DNAH7: variants seen among roughly 807,000 people sequenced by gnomAD.
The protein encoded by DNAH7 is axonemal beta dynein heavy chain 7.
Under a neutral mutation model 444.6 loss-of-function variants are expected in DNAH7, and 397 were observed. The ratio of observed to expected loss-of-function variants is 0.89; its 90% CI spans 0.82 to 0.97. The LOEUF (loss-of-function observed/expected upper bound fraction) is 0.97, where lower values mean the gene tolerates loss of function less well. Among genes scored for constraint, DNAH7 ranks in the 50% least tolerant of loss-of-function variants. The pLI, the probability that DNAH7 is intolerant of heterozygous loss-of-function variation, is 0.00. For missense variants in DNAH7, 4,902 were observed against 4,800.8 expected (o/e 1.02, Z -0.62); for synonymous variants, 1,636 against 1,624.4 (o/e 1.01, Z -0.17).
chr2:195,794,243 A>C, intron 57 of DNAH7, 95 bp downstream of exon 57: 4 of 1,188,306 alleles, frequency 3.4e-6, no homozygotes, highest in Non-Finnish European at 3.7e-6. Context: ...GGCCTATTTA[A>C]TTTTTAGTTT....
chr2:196,011,603 C>G (rs1057205593), intron 10 of DNAH7, among the ~76,000 whole-genome samples: 1 of 152,090 alleles, frequency 6.6e-6, no homozygotes, highest in Middle Eastern at 3.2e-3. Context: ...CATAATTAAT[C>G]ATTTGCTAAT....
At chr2:195,772,738 T>G (rs1694898456) in intron 60 of DNAH7, among the ~76,000 whole-genome samples, 1 of 152,034 alleles carries the variant, frequency 6.6e-6, no homozygotes, top group Admixed American at 6.6e-5. Flanking sequence ...ACTTTTTTAT[T>G]GTTTTTTAAT....
rs769275394 is a variant in DNAH7, at chr2:195,845,139, CAA to C, written c.8806_8807del (p.Leu2936ValfsTer11). 2 of 1,612,118 alleles carry C rather than the reference CAA, an allele frequency of 1.2e-6. No homozygotes were observed. The highest frequency in any genetic ancestry group is 3.3e-5 in the Admixed American group (2 of 59,714). Reference sequence around the variant, plus strand: ...AGCAGGGGATATCTCTTCCTTTGCACAAAGTTGTCCACTCTTTAGTTTGATTC... The same window carrying C: ...AGCAGGGGATATCTCTTCCTTTGCACAGTTGTCCACTCTTTAGTTTGATTC... ...RQNQTKEWTT[L>X]CKGRDIPCSD... is the part of the protein sequence containing the mutation. On this transcript the variant is annotated frameshift_variant, in exon 47 of 65. Transcript: ENST00000312428. LOFTEE classifies it high-confidence loss of function.
At chr2:195,776,083 T>C (rs1695044678) in intron 59 of DNAH7, 100 bp from the exon 60 acceptor site, 3 of 1,399,162 alleles carry the variant, frequency 2.1e-6, no homozygotes, top group African/African-American at 1.4e-5. Context: ...AGTTATTGAC[T>C]GGATAGGCCT....
chr2:196,026,282 G>A (rs1695682259), intron 7 of DNAH7, among the ~76,000 whole-genome samples: 1 of 152,110 alleles, frequency 6.6e-6, no homozygotes, highest in South Asian at 2.1e-4. Context: ...TTGGTCTACT[G>A]CAACAATTTT....
intron 5 of DNAH7, among the ~76,000 whole-genome samples, chr2:196,032,204 A>G (rs1167406336): frequency 6.6e-6 from 1 of 152,184 alleles, no homozygotes; most frequent in Non-Finnish European, 1.5e-5. Flanking sequence ...AGACTTACTC[A>G]TTACCATGAG....
At position 195,906,798 on chromosome 2, in the gene DNAH7, C is replaced by T. The variant is rs1687053000; in HGVS notation, c.4208-12G>A. On this transcript the variant is annotated splice_polypyrimidine_tract_variant and intron_variant, in intron 26 of 64. Transcript: ENST00000312428. ...ACCTGCATTAATACCTGTAGGTAAT[C>T]AGGAATGAAATGACTTAGTAATACC... 1 of 1,612,740 alleles carries T rather than the reference C, an allele frequency of 6.2e-7. No individual in the cohort carries two copies. The highest frequency in any genetic ancestry group is 8.5e-7 in the Non-Finnish European group (1 of 1,179,282).
chr2:195,903,034 G>C (rs374944160), intron 27 of DNAH7: 131 of 152,258 alleles, frequency 8.6e-4, no homozygotes, highest in African/African-American at 3.1e-3. Flanking sequence ...AGAGGGTACA[G>C]AGCCAGGTAA....
In DNAH7 at chr2:195,973,481, G is replaced by C. The variant is rs191586221; in HGVS notation, c.1834-1015C>G. Reference sequence around the variant, plus strand: ...TGTTTGTTGTTTTGTTTTTGTTTTTGTTTTTTTTGAGATGGAGTCTCACTC... The same window carrying C: ...TGTTTGTTGTTTTGTTTTTGTTTTTCTTTTTTTTGAGATGGAGTCTCACTC... On this transcript the variant is annotated intron_variant, in intron 15 of 64. Transcript: ENST00000312428. Among the ~76,000 whole-genome samples, 1,174 of 151,200 alleles carry C rather than the reference G, an allele frequency of 7.8e-3. 8 individuals carry two copies. The highest frequency in any genetic ancestry group is 0.013 in the Non-Finnish European group (853 of 67,766).
At chr2:195,836,448 G>C (rs2124969287) in intron 47 of DNAH7, among the ~76,000 whole-genome samples, 1 of 151,732 alleles carries the variant, frequency 6.6e-6, no homozygotes, top group East Asian at 1.9e-4. Context: ...AGTGAGCTGG[G>C]ATTGTGTCAC....
Position 195,852,741 on chromosome 2 carries a change from G to A in DNAH7, c.8781+602C>T, listed in dbSNP as rs552903529. Among the ~76,000 whole-genome samples the A allele has an allele frequency of 3.9e-5, 6 of 152,260 alleles. No homozygotes were observed. The East Asian group carries it at 1.2e-3, about 29-fold the overall frequency. ...ATCAGTCAGAGAGGTGGGAGGCAAG[G>A]CAGGGAACGTGGGGTTTGTTTTCTA... On this transcript the variant is annotated intron_variant, in intron 46 of 64. Transcript: ENST00000312428.
At chr2:195,982,059 T>C (rs566318075) in intron 15 of DNAH7, among the ~76,000 whole-genome samples, 1 of 152,302 alleles carries the variant, frequency 6.6e-6, no homozygotes, top group Non-Finnish European at 1.5e-5. Flanking sequence ...ATTTGCAAAC[T>C]ACCCATCTGA....
At chr2:195,927,184 G>A (rs1272725084) in intron 21 of DNAH7, among the ~76,000 whole-genome samples, 2 of 152,108 alleles carry the variant, frequency 1.3e-5, no homozygotes, top group African/African-American at 4.8e-5. Context: ...ACCTACGTTC[G>A]GTGGACTGAT....
chr2:195,848,231 G>T (rs934183181), intron 46 of DNAH7, among the ~76,000 whole-genome samples: 1 of 152,206 alleles, frequency 6.6e-6, no homozygotes, highest in African/African-American at 2.4e-5. Flanking sequence ...GGGCATCACA[G>T]TTTTGGGGGA....
At chr2:195,743,396 C>A (rs1693170401) in intron 63 of DNAH7, among the ~76,000 whole-genome samples, 1 of 152,138 alleles carries the variant, frequency 6.6e-6, no homozygotes, top group East Asian at 1.9e-4. Context: ...CTCTAGAGAA[C>A]CCTAATACAG....
chr2:195,931,011 A>G (rs1688655170), intron 21 of DNAH7, among the ~76,000 whole-genome samples: 1 of 152,054 alleles, frequency 6.6e-6, no homozygotes, highest in African/African-American at 2.4e-5. Flanking sequence ...AATGGCAACA[A>G]TAGACACTGG....
intron 36 of DNAH7, among the ~76,000 whole-genome samples, chr2:195,878,358 G>A (rs918575055): frequency 7.2e-5 from 11 of 152,310 alleles, no homozygotes; most frequent in Admixed American, 7.2e-4. Flanking sequence ...TGTAATCCCA[G>A]CACTTTGGGA....
intron 24 of DNAH7, among the ~76,000 whole-genome samples, chr2:195,921,161 A>G (rs1361935066): frequency 6.6e-6 from 1 of 152,222 alleles, no homozygotes; most frequent in Non-Finnish European, 1.5e-5. Flanking sequence ...GAGATTCCTT[A>G]AAGAACTAAA....
intron 15 of DNAH7, among the ~76,000 whole-genome samples, chr2:195,972,888 G>T (rs919381826): frequency 3.9e-5 from 6 of 152,150 alleles, no homozygotes; most frequent in African/African-American, 1.4e-4. Flanking sequence ...GTCCAGTTGG[G>T]GAGTCTCTTT....
Sources: gnomAD v4.1 joint callset for allele counts (sites outside exome capture counted in the v4.1 genomes callset) on GRCh38, gnomAD v4.1.1 for gene constraint, MANE v1.5 for transcripts, NCBI Gene and HGNC (gene_info 2026-07-23, HGNC 2026-07-21) for gene names.